PNLIPRP3: variants seen among roughly 807,000 people sequenced by gnomAD.
PNLIPRP3 encodes the protein pancreatic lipase-related protein 3.
Under a neutral mutation model 52.8 loss-of-function variants are expected in PNLIPRP3, and 58 were observed. The ratio of observed to expected loss-of-function variants is 1.10; its 90% CI spans 0.89 to 1.37. The LOEUF (loss-of-function observed/expected upper bound fraction) is 1.37, where lower values mean the gene tolerates loss of function less well. Among genes scored for constraint, PNLIPRP3 ranks in the 40% most tolerant of loss-of-function variants. The probability of loss-of-function intolerance (pLI) is 0.00; values close to 1 mark genes in which losing one functional copy is unlikely to be tolerated. For missense variants in PNLIPRP3, 593 were observed against 561.6 expected (o/e 1.06, Z -0.57); for synonymous variants, 192 against 185.0 (o/e 1.04, Z -0.31).
intron 9 of PNLIPRP3, among the ~76,000 whole-genome samples, chr10:116,471,518 A>G (rs1846371485): frequency 6.6e-6 from 1 of 152,210 alleles, no homozygotes; most frequent in African/African-American, 2.4e-5. Flanking sequence ...GGAAAAATAA[A>G]TAATTTTCTT....
At chr10:116,429,492 A>G (rs904146857) in intron 1 of PNLIPRP3, among the ~76,000 whole-genome samples, 47 of 152,220 alleles carry the variant, frequency 3.1e-4, no homozygotes, top group Non-Finnish European at 1.5e-5. Context: ...ACACAGAGAG[A>G]TTCGTTGTGT....
intron 6 of PNLIPRP3, 35 bp downstream of exon 6, chr10:116,461,120 C>A: frequency 6.2e-7 from 1 of 1,614,084 alleles, no homozygotes; most frequent in Non-Finnish European, 8.5e-7. Flanking sequence ...TTCATTGAAG[C>A]ATAGAGGAGA....
At chr10:116,456,001 C>T (rs1846108379) in intron 5 of PNLIPRP3, among the ~76,000 whole-genome samples, 171 bp downstream of exon 5, 2 of 152,212 alleles carry the variant, frequency 1.3e-5, no homozygotes, top group Admixed American at 1.3e-4. Context: ...TGCAGATTCG[C>T]TTCAAGGGGG....
At chr10:116,443,270 C>A in intron 3 of PNLIPRP3, 96 bp downstream of exon 3, 1 of 1,269,650 alleles carries the variant, frequency 7.9e-7, no homozygotes, top group Admixed American at 2.4e-5. Flanking sequence ...TCATGGAAAT[C>A]TTCCATTCAG....
At chr10:116,447,394 T>C (rs1845968608) in intron 4 of PNLIPRP3, among the ~76,000 whole-genome samples, 1 of 152,298 alleles carries the variant, frequency 6.6e-6, no homozygotes, top group Non-Finnish European at 1.5e-5. Flanking sequence ...TTTTCTAATG[T>C]GCAAATACCA....
rs576076189 is a variant in PNLIPRP3 at position 116,437,038 on chromosome 10, A to G, written c.204+173A>G. Among the ~76,000 whole-genome samples, 3 of 152,190 alleles carry G rather than the reference A, an allele frequency of 2.0e-5. No individual in the cohort carries two copies. The South Asian group carries it at 6.2e-4, about 32-fold the overall frequency. On this transcript the variant is annotated intron_variant, in intron 2 of 11. Coordinates refer to ENST00000369230, the MANE Select transcript of PNLIPRP3 (RefSeq NM_001011709.3). ...TTTTCTATGTTATCTGTTCTATATT[A>G]TCTGTTCTGATATATCTGATTTAAA...
chr10:116,460,167 C>T (rs1440480052), intron 5 of PNLIPRP3, among the ~76,000 whole-genome samples: 1 of 152,232 alleles, frequency 6.6e-6, no homozygotes, highest in Non-Finnish European at 1.5e-5. Flanking sequence ...ACTGCCTCTG[C>T]ACGGAGGACA....
At chr10:116,430,390 G>T (rs1565739601) in intron 1 of PNLIPRP3, among the ~76,000 whole-genome samples, 1 of 152,140 alleles carries the variant, frequency 6.6e-6, no homozygotes, top group Admixed American at 6.5e-5. Context: ...TGGCTGGGTA[G>T]CTTTAAGATC....
intron 7 of PNLIPRP3, among the ~76,000 whole-genome samples, chr10:116,463,534 A>G (rs533487242): frequency 2.6e-5 from 4 of 152,232 alleles, no homozygotes; most frequent in African/African-American, 7.2e-5. Context: ...AACTTAACCA[A>G]TGTCAGTTTC....
rs773291815 is a variant in PNLIPRP3 at position 116,461,152 on chromosome 10, T to A, written c.686-16T>A. 1 of 1,614,200 alleles carries A rather than the reference T, an allele frequency of 6.2e-7. No homozygotes were observed. The highest frequency in any genetic ancestry group is 1.1e-5 in the South Asian group (1 of 91,076). On this transcript the variant is annotated splice_polypyrimidine_tract_variant and intron_variant, in intron 6 of 11. Coordinates refer to ENST00000369230, the MANE Select transcript of PNLIPRP3 (RefSeq NM_001011709.3). ...GAGATTTTTAGAGGCATTTACCCTG[T>A]TTTTATTTATTTCAGGTGTTGGAAC...
intron 1 of PNLIPRP3, among the ~76,000 whole-genome samples, chr10:116,435,640 T>A (rs551314402): frequency 7.6e-4 from 116 of 152,300 alleles, no homozygotes; most frequent in African/African-American, 2.7e-3. Context: ...TGGGATGATA[T>A]CTCATTAAGG....
intron 5 of PNLIPRP3, among the ~76,000 whole-genome samples, chr10:116,460,334 TA>T (rs2133143375): frequency 6.6e-6 from 1 of 152,354 alleles, no homozygotes; most frequent in South Asian, 2.1e-4. Flanking sequence ...TGAAAGATCA[TA>T]ACATTTTAAA....
At chr10:116,453,914 G>T (rs985131725) in intron 4 of PNLIPRP3, among the ~76,000 whole-genome samples, 1 of 152,050 alleles carries the variant, frequency 6.6e-6, no homozygotes, top group Non-Finnish European at 1.5e-5. Context: ...TTAGGTATTT[G>T]TCTTAATGCT....
In PNLIPRP3 at chr10:116,443,184, G is replaced by T; in HGVS notation, c.324+10G>T. On this transcript the variant is annotated intron_variant, in intron 3 of 11. Coordinates refer to ENST00000369230, the MANE Select transcript of PNLIPRP3 (RefSeq NM_001011709.3). ...GAGAGACATGTGCAATGTATGACAT[G>T]AATAAGCTCCTTTTTACACTAGCAT... 6.2e-7 allele frequency: 1 copy of T among 1,603,710 alleles called. No individual in the cohort carries two copies. The highest frequency in any genetic ancestry group is 8.5e-7 in the Non-Finnish European group (1 of 1,174,364).
At chr10:116,454,099 G>C (rs1174209642) in intron 4 of PNLIPRP3, among the ~76,000 whole-genome samples, 1 of 152,100 alleles carries the variant, frequency 6.6e-6, no homozygotes. Context: ...CTGTGTCCCT[G>C]CAAAGGACAT....
chr10:116,474,192 G>A (rs1416192046), intron 10 of PNLIPRP3, among the ~76,000 whole-genome samples: 2 of 152,136 alleles, frequency 1.3e-5, no homozygotes, highest in South Asian at 2.1e-4. Context: ...ACAAGCAATG[G>A]GGAAAGAATC....
intron 1 of PNLIPRP3, among the ~76,000 whole-genome samples, chr10:116,430,474 G>A (rs527979990): frequency 2.0e-5 from 3 of 152,316 alleles, no homozygotes; most frequent in Admixed American, 2.0e-4. Context: ...GGCACATTCA[G>A]CTGCACAGGT....
intron 1 of PNLIPRP3, among the ~76,000 whole-genome samples, chr10:116,431,457 T>C (rs1845709334): frequency 6.6e-6 from 1 of 152,182 alleles, no homozygotes; most frequent in Non-Finnish European, 1.5e-5. Flanking sequence ...GTTAGGGTTT[T>C]TTTTATTATT....
At chr10:116,471,676 A>G in intron 9 of PNLIPRP3, 92 bp from the exon 10 acceptor site, 1 of 1,004,130 alleles carries the variant, frequency 1.0e-6, no homozygotes, top group Non-Finnish European at 1.6e-6. Context: ...CAACCCTGAA[A>G]ATTTTATTTC....
Sources: allele counts gnomAD v4.1 joint callset (sites outside exome capture counted in the v4.1 genomes callset), GRCh38; gene constraint gnomAD v4.1.1; transcripts MANE v1.5; gene names NCBI Gene and HGNC (gene_info 2026-07-23, HGNC 2026-07-21).